Variants in NPAS3 observed in about 807,000 individuals in gnomAD.
The protein encoded by NPAS3 is neuronal PAS domain-containing protein 3.
NPAS3 carries 14 observed loss-of-function variants against 73.1 expected under a neutral mutation model. The ratio of observed to expected loss-of-function variants is 0.19; its 90% CI spans 0.13 to 0.30. The LOEUF is 0.30. NPAS3 is among the 10% of genes least tolerant of loss of function. NPAS3 has a pLI of 1.00. For synonymous variants in NPAS3, 620 were observed against 541.5 expected (o/e 1.14, Z -2.01); for missense variants, 1,096 against 1,250.0 (o/e 0.88, Z 1.86).
chr14:33,574,797 A>G (rs1476742304), intron 5 of NPAS3, among the ~76,000 whole-genome samples: 1 of 152,162 alleles, frequency 6.6e-6, no homozygotes, highest in African/African-American at 2.4e-5. Flanking sequence ...AAGTAGGGTT[A>G]TCTCTTCCTC....
intron 4 of NPAS3, among the ~76,000 whole-genome samples, chr14:33,559,367 G>A (rs2055522917): frequency 1.3e-5 from 2 of 152,164 alleles, no homozygotes; most frequent in African/African-American, 2.4e-5. Flanking sequence ...TTATTAATTA[G>A]CAAATTGTTG....
At chr14:33,692,272 G>C (rs1446317187) in intron 6 of NPAS3, among the ~76,000 whole-genome samples, 2 of 152,070 alleles carry the variant, frequency 1.3e-5, no homozygotes, top group African/African-American at 4.8e-5. Flanking sequence ...TTAACCAAAT[G>C]CCTTTTTTAA....
At chr14:33,496,773 C>A (rs943648460) in intron 4 of NPAS3, among the ~76,000 whole-genome samples, 11 of 152,114 alleles carry the variant, frequency 7.2e-5, no homozygotes, top group Non-Finnish European at 1.5e-5. Flanking sequence ...GGAAGCATTC[C>A]CTTAGAAAAT....
chr14:33,338,390 CGTT>C, intron 3 of NPAS3, among the ~76,000 whole-genome samples: 1 of 152,158 alleles, frequency 6.6e-6, no homozygotes, highest in East Asian at 1.9e-4. Context: ...CCATAGAGAT[CGTT>C]GTTGCTTTGT....
intron 2 of NPAS3, among the ~76,000 whole-genome samples, chr14:33,160,081 T>C (rs77146617): frequency 0.061 from 9,299 of 152,248 alleles, 292 homozygotes; most frequent in South Asian, 0.087. Context: ...TATGACAAAT[T>C]TAAGGATAAC....
chr14:33,801,312 TCAG>T, downstream of NPAS3: 1 of 1,072,820 alleles, frequency 9.3e-7, no homozygotes, highest in East Asian at 2.7e-5. Flanking sequence ...CTTCAGAGGG[TCAG>T]ACGACCAGTT....
upstream of NPAS3, among the ~76,000 whole-genome samples, chr14:32,938,958 G>C (rs1390350330): frequency 2.1e-5 from 3 of 145,992 alleles, no homozygotes; most frequent in African/African-American, 7.4e-5. Flanking sequence ...GCGCATGGAC[G>C]GCGGCGGCGC....
intron 4 of NPAS3, among the ~76,000 whole-genome samples, chr14:33,529,069 A>G (rs536081734): frequency 1.3e-5 from 2 of 152,250 alleles, no homozygotes; most frequent in African/African-American, 2.4e-5. Context: ...TAAACAAGGT[A>G]AAATATGACT....
chr14:33,249,004 T>C (rs1266116257), intron 3 of NPAS3, among the ~76,000 whole-genome samples: 2 of 152,330 alleles, frequency 1.3e-5, no homozygotes, highest in Admixed American at 6.5e-5. Context: ...AAGTATTGAC[T>C]GTATTTAAAC....
chr14:33,785,371 C>T (rs966295662), intron 9 of NPAS3, among the ~76,000 whole-genome samples: 39 of 143,742 alleles, frequency 2.7e-4, no homozygotes, highest in African/African-American at 9.4e-4. Flanking sequence ...GGAGGTGGAG[C>T]TTGCAGTGAG....
At chr14:33,500,044 T>G (rs2052433984) in intron 4 of NPAS3, among the ~76,000 whole-genome samples, 1 of 151,912 alleles carries the variant, frequency 6.6e-6, no homozygotes, top group Non-Finnish European at 1.5e-5. Context: ...CCTCACTGAT[T>G]TCTTATGAAA....
chr14:33,468,949 C>G (rs896248989), intron 4 of NPAS3, among the ~76,000 whole-genome samples: 1 of 152,164 alleles, frequency 6.6e-6, no homozygotes, highest in Non-Finnish European at 1.5e-5. Flanking sequence ...AAGACCGAAT[C>G]TACAGGGGTG....
chr14:33,793,331 TCCC>T (rs1181615833), intron 9 of NPAS3, among the ~76,000 whole-genome samples: 1 of 152,100 alleles, frequency 6.6e-6, no homozygotes, highest in Non-Finnish European at 1.5e-5. Context: ...CACCAGAATC[TCCC>T]CCGACTGACC....
intron 2 of NPAS3, among the ~76,000 whole-genome samples, chr14:33,180,684 A>C (rs2045759974): frequency 6.6e-6 from 1 of 151,038 alleles, no homozygotes; most frequent in Admixed American, 6.6e-5. Flanking sequence ...CTGTAATCCC[A>C]GCTACTCAGG....
At chr14:33,305,182 T>G (rs1326717354) in intron 3 of NPAS3, among the ~76,000 whole-genome samples, 3 of 152,078 alleles carry the variant, frequency 2.0e-5, no homozygotes, top group Non-Finnish European at 4.4e-5. Flanking sequence ...GAATTGTTAT[T>G]TTTCTTGAAT....
rs1472350311 is a variant in NPAS3 at position 32,977,744 on chromosome 14, A to G, written c.50+38378A>G. On this transcript the variant is annotated intron_variant, in intron 1 of 11. Coordinates refer to ENST00000356141, the Ensembl canonical transcript of NPAS3. ...GACACTGTCTCTAAGTAAATAAATA[A>G]ATTTCTCATTTGAAAAACTTCAGCA... 1.3e-5 allele frequency among the ~76,000 whole-genome samples: 2 copies of G among 152,096 alleles called. 1 individual carries two copies. The highest frequency in any genetic ancestry group is 1.3e-4 in the Admixed American group (2 of 15,278).
intron 4 of NPAS3, among the ~76,000 whole-genome samples, chr14:33,544,107 T>A (rs185143271): frequency 9.1e-4 from 138 of 151,682 alleles, no homozygotes; most frequent in Non-Finnish European, 1.6e-3. Flanking sequence ...TCTGTCACTG[T>A]TAATATTATT....
chr14:33,437,823 T>C (rs1170949762), intron 4 of NPAS3, among the ~76,000 whole-genome samples: 7 of 152,188 alleles, frequency 4.6e-5, no homozygotes, highest in African/African-American at 1.7e-4. Context: ...TTTTCAGATG[T>C]GGTAGGGTAG....
At chr14:33,275,684 A>G (rs139444971) in intron 3 of NPAS3, among the ~76,000 whole-genome samples, 239 of 141,318 alleles carry the variant, frequency 1.7e-3, no homozygotes, top group African/African-American at 6.1e-3. Flanking sequence ...TTCTGACTCA[A>G]TTGACAATAT....
Sources: allele counts gnomAD v4.1 joint callset (sites outside exome capture counted in the v4.1 genomes callset), GRCh38; gene constraint gnomAD v4.1.1; transcripts MANE v1.5; gene names NCBI Gene and HGNC (gene_info 2026-07-23, HGNC 2026-07-21).